The following AKT3 variants were observed in gnomAD, a reference collection of about 807,000 sequenced individuals.
The protein encoded by AKT3 is AKT serine/threonine kinase 3, also known as RAC-gamma serine/threonine-protein kinase.
In AKT3, 15 loss-of-function variants were observed where a neutral mutation model predicts 65.3. That is an observed-to-expected ratio of 0.23 (90% CI 0.15 to 0.35). AKT3 has a LOEUF of 0.35. Ranked by LOEUF, AKT3 falls within the 10% of genes least tolerant of loss-of-function variation. The pLI is 1.00. For missense variants in AKT3, 243 were observed against 576.5 expected (o/e 0.42, Z 5.92); for synonymous variants, 206 against 183.8 (o/e 1.12, Z -0.98).
intron 3 of AKT3, among the ~76,000 whole-genome samples, chr1:243,667,903 G>T (rs1309315561): frequency 6.6e-6 from 1 of 151,982 alleles, no homozygotes; most frequent in Admixed American, 6.6e-5. Flanking sequence ...AGAGCTTTTT[G>T]CCCTCTGCCT....
chr1:243,817,746 T>A (rs1017948444), intron 2 of AKT3, among the ~76,000 whole-genome samples: 2 of 152,114 alleles, frequency 1.3e-5, no homozygotes, highest in Non-Finnish European at 1.5e-5. Context: ...CTCAAATAAA[T>A]AAATAAGCAA....
intron 11 of AKT3, among the ~76,000 whole-genome samples, chr1:243,549,692 G>A (rs750245939): frequency 3.3e-5 from 5 of 151,748 alleles, no homozygotes; most frequent in Admixed American, 6.6e-5. Flanking sequence ...CCCAAAGTGC[G>A]GGGATTACAG....
At chr1:243,660,002 G>A (rs1360336794) in intron 4 of AKT3, among the ~76,000 whole-genome samples, 1 of 152,160 alleles carries the variant, frequency 6.6e-6, no homozygotes, top group East Asian at 1.9e-4. Flanking sequence ...CATAAAATGA[G>A]TTAGGGAGGA....
intron 3 of AKT3, among the ~76,000 whole-genome samples, chr1:243,695,090 TAA>T (rs1684977551): frequency 6.6e-6 from 1 of 151,938 alleles, no homozygotes; most frequent in African/African-American, 2.4e-5. Context: ...ACAAAATTTC[TAA>T]GTAAGTTTTA....
intron 2 of AKT3, among the ~76,000 whole-genome samples, chr1:243,798,704 A>G (rs1053469611): frequency 1.3e-5 from 2 of 152,026 alleles, no homozygotes; most frequent in Non-Finnish European, 2.9e-5. Context: ...CACTCTTACT[A>G]CATGTTCAAC....
chr1:243,821,402 C>T (rs1693846775), intron 2 of AKT3, among the ~76,000 whole-genome samples: 1 of 152,146 alleles, frequency 6.6e-6, no homozygotes, highest in African/African-American at 2.4e-5. Flanking sequence ...CAGCTAACAT[C>T]ATGATGACAG....
intron 2 of AKT3, among the ~76,000 whole-genome samples, chr1:243,750,604 C>T (rs1210137555): frequency 7.0e-6 from 1 of 142,548 alleles, no homozygotes; most frequent in Non-Finnish European, 1.5e-5. Context: ...TTTTTTGAGA[C>T]AGAGTCTCCC....
At chr1:243,617,586 A>C (rs1218141936) in intron 6 of AKT3, among the ~76,000 whole-genome samples, 1 of 152,164 alleles carries the variant, frequency 6.6e-6, no homozygotes, top group Non-Finnish European at 1.5e-5. Context: ...AAGTGATATT[A>C]AGGAAAAAGT....
intron 3 of AKT3, among the ~76,000 whole-genome samples, chr1:243,679,683 T>G: frequency 6.6e-6 from 1 of 152,216 alleles, no homozygotes; most frequent in East Asian, 1.9e-4. Context: ...CTAACATGAA[T>G]TAACATGTAA....
At position 243,500,368 on chromosome 1, in the gene AKT3, A is replaced by AAAAC. The variant is rs1191746044; in HGVS notation, c.*4877_*4880dup. On this transcript the variant is annotated 3_prime_UTR_variant, in exon 14 of 14. Coordinates refer to ENST00000673466, the MANE Select transcript of AKT3 (RefSeq NM_005465.7). ...ACTCTTTCCATTCTGTTAAACAACG[A>AAAAC]AAACAGACAAAAAAGCATCTTTGGC... 16 of 225,324 alleles carry AAAAC rather than the reference A, an allele frequency of 7.1e-5. No homozygotes were observed. The highest frequency in any genetic ancestry group is 2.9e-4 in the African/African-American group (13 of 44,846). The allele number at this position is 225,324 out of a possible 1,614,324, so 14.0% of individuals were successfully genotyped here.
intron 12 of AKT3, among the ~76,000 whole-genome samples, chr1:243,544,968 G>A (rs1672564206): frequency 6.6e-6 from 1 of 151,922 alleles, no homozygotes; most frequent in Non-Finnish European, 1.5e-5. Flanking sequence ...AAAGTGCTGG[G>A]ATTACAGGCA....
At chr1:243,586,972 T>C (rs780777282) in intron 8 of AKT3, among the ~76,000 whole-genome samples, 1 of 152,048 alleles carries the variant, frequency 6.6e-6, no homozygotes, top group Non-Finnish European at 1.5e-5. Context: ...AAATGGAGTA[T>C]TTATAACATG....
At chr1:243,618,440 A>T (rs1678494539) in intron 6 of AKT3, among the ~76,000 whole-genome samples, 1 of 152,202 alleles carries the variant, frequency 6.6e-6, no homozygotes, top group Non-Finnish European at 1.5e-5. Flanking sequence ...AGATGCTAAT[A>T]ATTTTTAATT....
intron 12 of AKT3, among the ~76,000 whole-genome samples, chr1:243,514,982 T>C (rs748089708): frequency 1.1e-4 from 17 of 152,228 alleles, no homozygotes; most frequent in Non-Finnish European, 2.4e-4. Context: ...CTGCAGGCCA[T>C]GACTGACATA....
chr1:243,793,033 T>C (rs1302195185), intron 2 of AKT3, among the ~76,000 whole-genome samples: 2 of 152,170 alleles, frequency 1.3e-5, no homozygotes, highest in Non-Finnish European at 2.9e-5. Context: ...CTTTTCACTG[T>C]GCAAATCAGG....
chr1:243,601,312 G>A (rs1676984519), intron 8 of AKT3, among the ~76,000 whole-genome samples: 1 of 152,030 alleles, frequency 6.6e-6, no homozygotes, highest in Admixed American at 6.6e-5. Context: ...AAAAGATGAT[G>A]TATAAATGGC....
Position 243,800,674 on chromosome 1 carries a change from C to T in AKT3, c.46+42451G>A, listed in dbSNP as rs369621200. On this transcript the variant is annotated intron_variant, in intron 2 of 13. Transcript: ENST00000673466. ...CAGAGGTTGCAGTGAGCCAAGATCG[C>T]GCCATTGCACTCCAGCCCAGCGACA... is the stretch of plus-strand genomic sequence containing the variant. Among the ~76,000 whole-genome samples, 64 of 151,792 alleles carry T rather than the reference C, an allele frequency of 4.2e-4. 1 individual carries two copies. The highest frequency in any genetic ancestry group is 2.3e-3 in the East Asian group (12 of 5,154).
chr1:243,632,751 C>T (rs1332301261), intron 6 of AKT3, among the ~76,000 whole-genome samples: 1 of 152,198 alleles, frequency 6.6e-6, no homozygotes, highest in African/African-American at 2.4e-5. Context: ...TAACTTGCTG[C>T]AGCTTCTGTG....
chr1:243,723,827 G>A (rs1175328948), intron 2 of AKT3, among the ~76,000 whole-genome samples: 1 of 152,102 alleles, frequency 6.6e-6, no homozygotes, highest in Admixed American at 6.5e-5. Context: ...AGTCTGAGGT[G>A]GAAGATCACT....
Sources: gnomAD v4.1 joint callset for allele counts (sites outside exome capture counted in the v4.1 genomes callset) on GRCh38, gnomAD v4.1.1 for gene constraint, MANE v1.5 for transcripts, NCBI Gene and HGNC (gene_info 2026-07-23, HGNC 2026-07-21) for gene names.